The following THNSL2 variants were observed in gnomAD, a reference collection of about 807,000 sequenced individuals.
The protein encoded by THNSL2 is threonine synthase like 2.
In THNSL2, 34 loss-of-function variants were observed where a neutral mutation model predicts 40.0. The ratio of observed to expected loss-of-function variants is 0.85; its 90% CI spans 0.65 to 1.13. The LOEUF (loss-of-function observed/expected upper bound fraction) is 1.13, where lower values mean the gene tolerates loss of function less well. Ranked by LOEUF, THNSL2 falls within the 50% of genes most tolerant of loss-of-function variation. The probability of loss-of-function intolerance (pLI) is 0.00; values close to 1 mark genes in which losing one functional copy is unlikely to be tolerated. For missense variants in THNSL2, 537 were observed against 608.8 expected (o/e 0.88, Z 1.24); for synonymous variants, 241 against 247.5 (o/e 0.97, Z 0.25).
chr2:88,175,517 T>C (rs1233622325), intron 4 of THNSL2, 116 bp downstream of exon 4: 9 of 1,356,066 alleles, frequency 6.6e-6, no homozygotes, highest in African/African-American at 1.4e-5. Flanking sequence ...CCTCCTTTCA[T>C]CATCATATTC....
intron 4 of THNSL2, 85 bp from the exon 5 acceptor site, chr2:88,178,698 G>A: frequency 2.1e-6 from 3 of 1,461,920 alleles, no homozygotes; most frequent in South Asian, 2.3e-5. Context: ...GGCTCAGCCT[G>A]GGAGGGCCCT....
chr2:88,185,468 G>T lies in THNSL2; in HGVS notation c.1218G>T (p.Arg406Ser). ...AVNYHYQQIDRQQPSTPRCCL... is the reference protein window; with the variant it reads ...AVNYHYQQIDSQQPSTPRCCL... ...ACTACCATTACCAGCAGATAGACAG[G>T]CAGCAGCCCAGGTACAGGCAATGGG... The change falls in exon 8 of 9, where the codon AGG becomes AGT. Residue 406 changes from arginine to serine, a missense_variant. Arg to Ser is a moderately radical substitution (Grantham distance 110). Transcript: ENST00000674334. 1 of 1,609,388 alleles carries T rather than the reference G, an allele frequency of 6.2e-7. No homozygotes were observed. The highest frequency in any genetic ancestry group is 8.5e-7 in the Non-Finnish European group (1 of 1,177,776).
intron 1 of THNSL2, chr2:88,172,031 G>T (rs901758876): frequency 2.0e-5 from 3 of 152,426 alleles, no homozygotes; most frequent in Admixed American, 2.0e-4. Flanking sequence ...CCTCATGTAG[G>T]TAGAGAGCTT....
intron 1 of THNSL2, among the ~76,000 whole-genome samples, chr2:88,171,070 A>G (rs902260079): frequency 1.3e-5 from 2 of 152,184 alleles, no homozygotes; most frequent in Admixed American, 6.5e-5. Context: ...ATAAAATCCC[A>G]GGGGACACGT....
rs1313335716 is a variant in THNSL2, at chr2:88,171,450, T to C, written c.-13+994T>C. The C allele has an allele frequency of 7.6e-6, 3 of 397,342 alleles. No homozygotes were observed. The Admixed American group carries it at 8.7e-5, about 12-fold the overall frequency. 24.6% of individuals were successfully genotyped at this position (397,342 alleles called of 1,614,324 possible). ...TATTCCTTCCACCCAGGGAAGGGCA[T>C]TTGAAAAATATTTTCTTTCGCTGTA... is the stretch of plus-strand genomic sequence containing the variant. On this transcript the variant is annotated intron_variant, in intron 1 of 8. Coordinates refer to ENST00000674334, the MANE Select transcript of THNSL2 (RefSeq NM_018271.5).
chr2:88,185,967 G>A lies in THNSL2; in HGVS notation c.1299G>A (p.Leu433=). 1 of 1,613,094 alleles carries A rather than the reference G, an allele frequency of 6.2e-7. No individual in the cohort carries two copies. The highest frequency in any genetic ancestry group is 8.5e-7 in the Non-Finnish European group (1 of 1,179,780). Residue 433 remains leucine (L), a synonymous_variant, in exon 9 of 9, where the codon CTG becomes CTA. Coordinates refer to ENST00000674334, the MANE Select transcript of THNSL2 (RefSeq NM_018271.5). ...CGGAAGCTGTCCTGGCTGCTGGCCT[G>A]ACCCCTGAGACTCCCGCGGAGATCG... ...KFPEAVLAAG[L]TPETPAEIVA... is the part of the protein sequence containing the mutation.
chr2:88,177,650 T>C (rs946485019), intron 4 of THNSL2, among the ~76,000 whole-genome samples: 6 of 152,220 alleles, frequency 3.9e-5, no homozygotes, highest in Admixed American at 2.0e-4. Flanking sequence ...CATTCTCTGC[T>C]CTGCCCTCCT....
rs1467877101 is a variant in THNSL2 at position 88,186,469 on chromosome 2, G to A, written c.*346G>A. On this transcript the variant is annotated 3_prime_UTR_variant, in exon 9 of 9. Transcript: ENST00000674334. Reference sequence around the variant, plus strand: ...TTAGGACCCCAGACCTGTGAAGGTGGGAGCAGCTCACCACCTTCACGCAGG... The same window carrying A: ...TTAGGACCCCAGACCTGTGAAGGTGAGAGCAGCTCACCACCTTCACGCAGG... 1 of 281,564 alleles carries A rather than the reference G, an allele frequency of 3.6e-6. No homozygotes were observed. The highest frequency in any genetic ancestry group is 2.1e-5 in the African/African-American group (1 of 47,174). 17.4% of individuals were successfully genotyped at this position (281,564 alleles called of 1,614,324 possible).
chr2:88,182,740 G>A lies in THNSL2; in HGVS notation c.844G>A (p.Val282Ile), dbSNP rs752172586. 1 of 1,614,068 alleles carries A rather than the reference G, an allele frequency of 6.2e-7. No homozygotes were observed. The highest frequency in any genetic ancestry group is 1.1e-5 in the South Asian group (1 of 91,076). The change falls in exon 6 of 9, where the codon GTC becomes ATC. Residue 282 changes from valine (V) to isoleucine (I), a missense_variant. By Grantham distance (29) the Val-to-Ile change is conservative. Coordinates refer to ENST00000674334, the MANE Select transcript of THNSL2 (RefSeq NM_018271.5). ...AAAGATAGGCCTGCCCATCCGTCTG[G>A]TCGTGGCAGTGAACCGCAATGACAT... is the stretch of plus-strand genomic sequence containing the variant. ...AQKIGLPIRL[V>I]VAVNRNDIIH...
intron 7 of THNSL2, 79 bp from the exon 8 acceptor site, chr2:88,185,249 T>TC: frequency 2.0e-6 from 3 of 1,534,872 alleles, no homozygotes; most frequent in African/African-American, 1.4e-5. Context: ...TGTGTGGATC[T>TC]GTGGTGGAGA....
rs758317120 is a variant in THNSL2 at position 88,182,679 on chromosome 2, T to A, written c.803-20T>A. 6.6e-6 allele frequency: 10 copies of A among 1,526,210 alleles called. No homozygotes were observed. In the South Asian group the frequency reaches 1.1e-4, roughly 17 times the overall value. 94.5% of individuals were successfully genotyped at this position (1,526,210 alleles called of 1,614,324 possible). The stretch of plus-strand genomic sequence containing the variant: ...TTTTATTTCTAAAAAGCCATTGTTC[T>A]CCTCCTCTCTTGTCTTAAGCTGGGT... On this transcript the variant is annotated intron_variant, in intron 5 of 8. Coordinates refer to ENST00000674334, the MANE Select transcript of THNSL2 (RefSeq NM_018271.5).
intron 4 of THNSL2, chr2:88,175,763 T>A (rs912509451): frequency 2.1e-5 from 4 of 190,024 alleles, no homozygotes; most frequent in Non-Finnish European, 4.4e-5. Flanking sequence ...TTTCCAAGAC[T>A]CTGAAGTTTA....
intron 7 of THNSL2, among the ~76,000 whole-genome samples, 181 bp from the exon 8 acceptor site, chr2:88,185,147 G>A (rs1352963618): frequency 1.3e-5 from 2 of 152,188 alleles, no homozygotes; most frequent in African/African-American, 4.8e-5. Context: ...CCTCCAAGTT[G>A]AGTGAGTCAG....
intron 1 of THNSL2, chr2:88,171,364 C>T (rs2035216845): frequency 2.2e-6 from 1 of 455,960 alleles, no homozygotes; most frequent in Admixed American, 2.4e-5. Context: ...CGTGCCAGCC[C>T]CTCTGTCCTC....
chr2:88,173,399 C>T (rs1349695278), intron 2 of THNSL2, 26 bp downstream of exon 2: 3 of 1,533,720 alleles, frequency 2.0e-6, no homozygotes, highest in Admixed American at 1.8e-5. Flanking sequence ...TGTACTTTCA[C>T]TCTTCCAGCC....
In THNSL2 at chr2:88,179,027, G is replaced by T. The variant is rs749395611; in HGVS notation, c.802+14G>T. ...GTAACCTTGCAGGTAAGGAATCCCC[G>T]GGGCACAAATGGGCTTTCCAGAAAA... On this transcript the variant is annotated intron_variant, in intron 5 of 8. Transcript: ENST00000674334. The T allele has an allele frequency of 1.2e-6, 2 of 1,613,446 alleles. No homozygotes were observed. Among genetic ancestry groups the T allele is most frequent in the Non-Finnish European group, 1.7e-6 (2 of 1,179,584 alleles).
Position 88,182,982 on chromosome 2 carries a change from T to C in THNSL2, c.986T>C (p.Leu329Pro). Residue 329 changes from leucine to proline, a missense_variant, in exon 7 of 9, where the codon CTC becomes CCC. By Grantham distance (98) the Leu-to-Pro change is moderately conservative (BLOSUM62 -3). Transcript: ENST00000674334. ...PYNMERVFWL[L>P]SGSDSQVTRA... ...AACATGGAGAGGGTGTTCTGGCTGCTCTCTGGCTCTGACAGCCAGGTGACA... is the reference window on the plus strand; with the variant it reads ...AACATGGAGAGGGTGTTCTGGCTGCCCTCTGGCTCTGACAGCCAGGTGACA... The C allele has an allele frequency of 6.2e-7, 1 of 1,614,116 alleles. No individual in the cohort carries two copies. The highest frequency in any genetic ancestry group is 8.5e-7 in the Non-Finnish European group (1 of 1,180,016).
At chr2:88,174,203 A>G (rs62157021) in intron 2 of THNSL2, among the ~76,000 whole-genome samples, 27,485 of 152,092 alleles carry the variant, frequency 0.18, 2,698 homozygotes, top group Middle Eastern at 0.22. Flanking sequence ...CTGTATATCA[A>G]CCATCCAAAG....
intron 5 of THNSL2, among the ~76,000 whole-genome samples, chr2:88,181,150 TCTCCTCTCTCC>T (rs1381672119): frequency 2.7e-5 from 1 of 36,446 alleles, no homozygotes; most frequent in Non-Finnish European, 5.0e-5. Context: ...CTCCTCTCTC[TCTCCTCTCTCC>T]TCTCTCTCTC....
Sources: allele counts gnomAD v4.1 joint callset (sites outside exome capture counted in the v4.1 genomes callset), GRCh38; gene constraint gnomAD v4.1.1; transcripts MANE v1.5; gene names NCBI Gene and HGNC (gene_info 2026-07-23, HGNC 2026-07-21).